SRBD1: variants seen among roughly 807,000 people sequenced by gnomAD.
The protein encoded by SRBD1 is S1 RNA binding domain 1.
Under a neutral mutation model 115.3 loss-of-function variants are expected in SRBD1, and 88 were observed. The ratio of observed to expected loss-of-function variants is 0.76; its 90% CI spans 0.64 to 0.91. SRBD1 has a LOEUF of 0.91. Among genes scored for constraint, SRBD1 ranks in the 40% least tolerant of loss-of-function variants. The pLI, the probability that SRBD1 is intolerant of heterozygous loss-of-function variation, is 0.00. For missense variants in SRBD1, 1,385 were observed against 1,177.4 expected, an observed-to-expected ratio of 1.18 and a Z score of -2.58; for synonymous variants, 509 against 407.7, an observed-to-expected ratio of 1.25 and a Z score of -2.99.
intron 9 of SRBD1, among the ~76,000 whole-genome samples, chr2:45,566,528 G>C (rs1180787368): frequency 6.6e-6 from 1 of 152,146 alleles, no homozygotes; most frequent in Non-Finnish European, 1.5e-5. Context: ...TAGAAAGTTG[G>C]CTGCCTAGAG....
At position 45,573,191 on chromosome 2, in the gene SRBD1, C is replaced by T. The variant is rs759874590; in HGVS notation, c.1305+16G>A. The T allele has an allele frequency of 3.2e-6, 5 of 1,583,622 alleles. No homozygotes were observed. The South Asian group carries it at 4.8e-5, about 15-fold the overall frequency. ...TTATTACGAAATCAGCATGCACATG[C>T]AGTTTCTTTATTTACCTGATGATGG... On this transcript the variant is annotated intron_variant, in intron 9 of 20. Coordinates refer to ENST00000263736, the MANE Select transcript of SRBD1 (RefSeq NM_018079.5).
At chr2:45,541,234 C>T (rs1403725159) in intron 14 of SRBD1, among the ~76,000 whole-genome samples, 1 of 152,226 alleles carries the variant, frequency 6.6e-6, no homozygotes, top group Non-Finnish European at 1.5e-5. Flanking sequence ...CAGACACCCA[C>T]ATCTGGACGA....
intron 6 of SRBD1, among the ~76,000 whole-genome samples, chr2:45,580,420 A>G (rs1196138432): frequency 6.6e-6 from 1 of 150,922 alleles, no homozygotes; most frequent in Non-Finnish European, 1.5e-5. Flanking sequence ...ATCTCGGCTC[A>G]CTGCAAGCTC....
intron 9 of SRBD1, among the ~76,000 whole-genome samples, chr2:45,566,368 C>T (rs1022099070): frequency 3.3e-5 from 5 of 152,054 alleles, no homozygotes; most frequent in African/African-American, 4.8e-5. Flanking sequence ...TGTAATATTA[C>T]GTAGCAATAA....
chr2:45,411,429 G>C (rs918602770), intron 19 of SRBD1, among the ~76,000 whole-genome samples: 3 of 152,156 alleles, frequency 2.0e-5, no homozygotes, highest in African/African-American at 7.2e-5. Flanking sequence ...CTACAACATG[G>C]ATAAATCTCT....
rs79374128 is a variant in SRBD1, at chr2:45,468,304, A to T, written c.2049+8689T>A. Among the ~76,000 whole-genome samples the T allele has an allele frequency of 4.2e-4, 64 of 151,648 alleles. 1 individual carries two copies. Among genetic ancestry groups the T allele is most frequent in the African/African-American group, 1.5e-3 (62 of 41,290 alleles). ...CTCTATCTGTTCTTTCACAGTCTTG[A>T]CTTTACTAGTGTATCTTTCCAGTTT... On this transcript the variant is annotated intron_variant, in intron 16 of 20. Coordinates refer to ENST00000263736, the MANE Select transcript of SRBD1 (RefSeq NM_018079.5).
At chr2:45,449,622 A>G (rs1222835012) in intron 16 of SRBD1, among the ~76,000 whole-genome samples, 1 of 152,162 alleles carries the variant, frequency 6.6e-6, no homozygotes, top group Non-Finnish European at 1.5e-5. Flanking sequence ...TAGGACTATA[A>G]TTTTGGCCAA....
chr2:45,597,245 C>T lies in SRBD1; in HGVS notation c.648+2204G>A, dbSNP rs112012299. Among the ~76,000 whole-genome samples, 1,058 of 152,148 alleles carry T rather than the reference C, an allele frequency of 7.0e-3. 14 individuals carry two copies. Among genetic ancestry groups the T allele is most frequent in the African/African-American group, 0.024 (1,004 of 41,514 alleles). ...ACCATTCTGGCTAACATGGTGAAAC[C>T]GTGTCTCTACTAAAAATACAAAAAA... On this transcript the variant is annotated intron_variant, in intron 4 of 20. Transcript: ENST00000263736.
intron 14 of SRBD1, among the ~76,000 whole-genome samples, chr2:45,514,662 G>A (rs186653077): frequency 3.3e-5 from 5 of 152,150 alleles, no homozygotes; most frequent in Middle Eastern, 3.4e-3. Flanking sequence ...ATGGGATGGC[G>A]GCGGGGAGGG....
Position 45,418,351 on chromosome 2 carries a change from A to T in SRBD1, c.2333+14T>A. On this transcript the variant is annotated intron_variant, in intron 18 of 20. Coordinates refer to ENST00000263736, the MANE Select transcript of SRBD1 (RefSeq NM_018079.5). ...GAGGTTGACAATAGAATCAAAGTGT[A>T]TACTTATACTCACCTGCAAAACGTT... 6.2e-7 allele frequency: 1 copy of T among 1,611,642 alleles called. No homozygotes were observed. Among genetic ancestry groups the T allele is most frequent in the Non-Finnish European group, 8.5e-7 (1 of 1,178,886 alleles).
rs543567488 is a variant in SRBD1, at chr2:45,422,610, G to C, written c.2050-2716C>G. Reference sequence around the variant, plus strand: ...TGTGAGAGGAATACAACATAAATTGGTCAGGAATAGGTATTTGGTTCACTG... The same window carrying C: ...TGTGAGAGGAATACAACATAAATTGCTCAGGAATAGGTATTTGGTTCACTG... On this transcript the variant is annotated intron_variant, in intron 16 of 20. Coordinates refer to ENST00000263736, the MANE Select transcript of SRBD1 (RefSeq NM_018079.5). 6.3e-3 allele frequency among the ~76,000 whole-genome samples: 965 copies of C among 152,278 alleles called. 19 individuals carry two copies. The highest frequency in any genetic ancestry group is 0.015 in the South Asian group (70 of 4,824).
chr2:45,585,414 A>G (rs1673487109), intron 5 of SRBD1, among the ~76,000 whole-genome samples, 194 bp downstream of exon 5: 1 of 152,216 alleles, frequency 6.6e-6, no homozygotes, highest in Non-Finnish European at 1.5e-5. Context: ...TTGCTAATAC[A>G]TGCTCAAGCT....
chr2:45,471,756 A>AT (rs1370345176), intron 16 of SRBD1, among the ~76,000 whole-genome samples: 1 of 152,126 alleles, frequency 6.6e-6, no homozygotes, highest in Non-Finnish European at 1.5e-5. Flanking sequence ...ATAGAGAGAA[A>AT]TTTGTTTCTT....
intron 14 of SRBD1, among the ~76,000 whole-genome samples, chr2:45,531,932 ATTCT>A (rs1671626765): frequency 6.6e-6 from 1 of 151,788 alleles, no homozygotes; most frequent in African/African-American, 2.4e-5. Flanking sequence ...ACTGCCTGTT[ATTCT>A]TTCTTTCACT....
At chr2:45,501,210 C>A (rs1490515736) in intron 14 of SRBD1, among the ~76,000 whole-genome samples, 1 of 152,156 alleles carries the variant, frequency 6.6e-6, no homozygotes, top group East Asian at 1.9e-4. Context: ...TTGAACCATC[C>A]TTGCATACTT....
At chr2:45,405,138 AT>A (rs1667396275) in intron 19 of SRBD1, among the ~76,000 whole-genome samples, 1 of 152,022 alleles carries the variant, frequency 6.6e-6, no homozygotes, top group Non-Finnish European at 1.5e-5. Context: ...TAATTTATTT[AT>A]TATGCTGGTT....
chr2:45,489,225 T>C (rs1379800366), intron 14 of SRBD1, among the ~76,000 whole-genome samples: 1 of 152,194 alleles, frequency 6.6e-6, no homozygotes, highest in African/African-American at 2.4e-5. Context: ...CATGTGACCA[T>C]GTAGGTGTCA....
chr2:45,589,530 T>C (rs1673648632), intron 4 of SRBD1, among the ~76,000 whole-genome samples: 1 of 152,160 alleles, frequency 6.6e-6, no homozygotes, highest in South Asian at 2.1e-4. Flanking sequence ...GTTAGAGCAA[T>C]CCATGGGCTC....
chr2:45,453,847 C>CTTTTTAAA (rs1280692080), intron 16 of SRBD1, among the ~76,000 whole-genome samples: 2 of 151,884 alleles, frequency 1.3e-5, no homozygotes, highest in East Asian at 3.9e-4. Flanking sequence ...ACAAAACATT[C>CTTTTTAAA]TTTTTAAAGA....
Sources: gnomAD v4.1 joint callset for allele counts (sites outside exome capture counted in the v4.1 genomes callset) on GRCh38, gnomAD v4.1.1 for gene constraint, MANE v1.5 for transcripts, NCBI Gene and HGNC (gene_info 2026-07-23, HGNC 2026-07-21) for gene names.